The following ZFHX3 variants were observed in gnomAD, a reference collection of about 807,000 sequenced individuals.
The protein encoded by ZFHX3 is zinc finger homeobox 3.
A neutral mutation model predicts 279.1 loss-of-function variants in ZFHX3; 42 were observed. That is an observed-to-expected ratio of 0.15 (90% CI 0.12 to 0.19). ZFHX3 has a LOEUF of 0.19. ZFHX3 is among the 10% of genes least tolerant of loss of function. ZFHX3 has a pLI of 1.00. For synonymous variants in ZFHX3, 2,293 were observed against 1,957.8 expected (o/e 1.17, Z -4.52); for missense variants, 4,981 against 4,754.0 (o/e 1.05, Z -1.40).
chr16:73,319,839 G>A (rs1303129548), intron 3 of ZFHX3, among the ~76,000 whole-genome samples: 3 of 152,206 alleles, frequency 2.0e-5, no homozygotes, highest in African/African-American at 7.2e-5. Flanking sequence ...AGAGAGAGGA[G>A]AGAGACAGAG....
At chr16:73,739,667 G>T (rs75487608) in intron 1 of ZFHX3, among the ~76,000 whole-genome samples, 2 of 152,022 alleles carry the variant, frequency 1.3e-5, no homozygotes, top group Non-Finnish European at 2.9e-5. Flanking sequence ...GACTATCAGG[G>T]ACTCCCAAAA....
chr16:73,299,637 A>C (rs1457874993), intron 4 of ZFHX3, among the ~76,000 whole-genome samples: 1 of 152,238 alleles, frequency 6.6e-6, no homozygotes, highest in African/African-American at 2.4e-5. Context: ...GAGGAAAACC[A>C]AGAACGTGCC....
chr16:73,757,878 G>A (rs962092621), intron 1 of ZFHX3, among the ~76,000 whole-genome samples: 13 of 152,106 alleles, frequency 8.5e-5, no homozygotes, highest in Middle Eastern at 3.2e-3. Flanking sequence ...GTGACTCACT[G>A]GGACAAAAGT....
chr16:73,241,790 C>CAAAAAAAAAAAAAAAAAAAA (rs60214410), intron 5 of ZFHX3, among the ~76,000 whole-genome samples: 3 of 51,288 alleles, frequency 5.8e-5, no homozygotes, highest in South Asian at 1.1e-3. Context: ...AACTCCGTCT[C>CAAAAAAAAAAAAAAAAAAAA]AAAAAAAAAA....
chr16:73,784,814 T>TACACAC (rs1201836033), intron 1 of ZFHX3, among the ~76,000 whole-genome samples: 1 of 108,340 alleles, frequency 9.2e-6, no homozygotes, highest in African/African-American at 2.9e-5. Flanking sequence ...TATATATATA[T>TACACAC]ATACACACAC....
chr16:72,817,610 T>C (rs144253098), intron 5 of ZFHX3, among the ~76,000 whole-genome samples: 2 of 152,340 alleles, frequency 1.3e-5, no homozygotes, highest in East Asian at 3.9e-4. Flanking sequence ...CATCCTACGA[T>C]GCAGACCATT....
At chr16:73,299,458 C>T (rs1254507438) in intron 4 of ZFHX3, among the ~76,000 whole-genome samples, 1 of 152,162 alleles carries the variant, frequency 6.6e-6, no homozygotes, top group African/African-American at 2.4e-5. Context: ...ACTGGGGAAG[C>T]AGGGGTTAAC....
intron 3 of ZFHX3, among the ~76,000 whole-genome samples, chr16:72,905,361 C>T (rs1450706661): frequency 1.3e-5 from 2 of 152,178 alleles, no homozygotes; most frequent in Admixed American, 6.5e-5. Flanking sequence ...CCCCTCCCCA[C>T]CAATCAGCCA....
intron 2 of ZFHX3, among the ~76,000 whole-genome samples, chr16:73,505,129 C>T (rs931814680): frequency 3.9e-5 from 6 of 152,150 alleles, no homozygotes; most frequent in South Asian, 4.1e-4. Context: ...TCTGCTGACC[C>T]TATTGCCATG....
In ZFHX3 at chr16:72,788,375, C is replaced by T. The variant is rs373052102; in HGVS notation, c.9901G>A (p.Ala3301Thr). ...LQAALTSDPT[A>T]LLTSQFLPYF... Reference sequence around the variant, plus strand: ...GGAAGGAACTGGCTTGTGAGCAATGCTGTGGGGTCCGAAGTCAACGCGGCC... The same window carrying T: ...GGAAGGAACTGGCTTGTGAGCAATGTTGTGGGGTCCGAAGTCAACGCGGCC... The change falls in exon 10 of 10, where the codon GCA becomes ACA. Residue 3301 changes from alanine to threonine, a missense_variant. By Grantham distance (58) the Ala-to-Thr change is moderately conservative (BLOSUM62 0). Coordinates refer to ENST00000268489, the MANE Select transcript of ZFHX3 (RefSeq NM_006885.4). 60 of 1,614,040 alleles carry T rather than the reference C, an allele frequency of 3.7e-5. No individual in the cohort carries two copies. The highest frequency in any genetic ancestry group is 5.0e-5 in the Non-Finnish European group (59 of 1,180,036).
At chr16:73,630,669 C>T (rs1037096807) in intron 2 of ZFHX3, among the ~76,000 whole-genome samples, 3 of 151,406 alleles carry the variant, frequency 2.0e-5, no homozygotes, top group Admixed American at 6.6e-5. Context: ...CATAAGAGAA[C>T]AACAGTCAGG....
Position 72,957,611 on chromosome 16 carries a change from G to A in ZFHX3, c.2535C>T (p.Asn845=), listed in dbSNP as rs2144433738. Reference sequence around the variant, plus strand: ...GCAGGCTGCCGAGGCCCAGGTGGCGGTTGTGTTGGATCTGGGTCATGTTCT... The same window carrying A: ...GCAGGCTGCCGAGGCCCAGGTGGCGATTGTGTTGGATCTGGGTCATGTTCT... ...LQQNMTQIQH[N]RHLGLGSLPS... The change falls in exon 2 of 10, where the codon AAC becomes AAT. Residue 845 remains asparagine, a synonymous_variant. Transcript: ENST00000268489. 1.2e-6 allele frequency: 2 copies of A among 1,614,186 alleles called. No individual in the cohort carries two copies. The highest frequency in any genetic ancestry group is 8.5e-7 in the Non-Finnish European group (1 of 1,180,040).
intron 5 of ZFHX3, among the ~76,000 whole-genome samples, chr16:73,216,721 C>T (rs1260852355): frequency 6.6e-6 from 1 of 152,036 alleles, no homozygotes; most frequent in Non-Finnish European, 1.5e-5. Flanking sequence ...TGAGATCGCG[C>T]CACTGCACTC....
At chr16:72,918,427 A>T (rs1332135102) in intron 3 of ZFHX3, among the ~76,000 whole-genome samples, 2 of 152,212 alleles carry the variant, frequency 1.3e-5, no homozygotes, top group Non-Finnish European at 2.9e-5. Context: ...AAAAATAGTG[A>T]CATTCAAAAA....
intron 3 of ZFHX3, among the ~76,000 whole-genome samples, chr16:72,901,157 G>A (rs774119134): frequency 6.6e-5 from 10 of 152,178 alleles, no homozygotes; most frequent in South Asian, 2.1e-4. Flanking sequence ...GTCGCTGGCA[G>A]CGTGGCTCTT....
chr16:73,093,880 A>T lies in ZFHX3; in HGVS notation c.-896-282T>A, dbSNP rs76821766. 4.7e-4 allele frequency: 135 copies of T among 285,954 alleles called. 2 individuals carry two copies. In the East Asian group the frequency reaches 0.011, roughly 23 times the overall value. 17.7% of individuals were successfully genotyped at this position (285,954 alleles called of 1,614,324 possible). On this transcript the variant is annotated intron_variant, in intron 7 of 17. Transcript: ENST00000641206. ...TTAGGGCTTAGAAAAACAAGCTACTAATAGTACTAAGTAGAGCTGGGGCGG... is the reference window on the plus strand; with the variant it reads ...TTAGGGCTTAGAAAAACAAGCTACTTATAGTACTAAGTAGAGCTGGGGCGG...
intron 1 of ZFHX3, among the ~76,000 whole-genome samples, chr16:73,020,935 T>G (rs1437333033): frequency 6.6e-6 from 1 of 152,064 alleles, no homozygotes; most frequent in Non-Finnish European, 1.5e-5. Flanking sequence ...CCCAAAGCCA[T>G]TTAGTCTCTG....
chr16:73,388,287 T>A (rs2016941543), intron 3 of ZFHX3, among the ~76,000 whole-genome samples: 1 of 151,762 alleles, frequency 6.6e-6, no homozygotes, highest in Non-Finnish European at 1.5e-5. Flanking sequence ...AAAGTCAGGG[T>A]GAAGAAAAGG....
intron 1 of ZFHX3, among the ~76,000 whole-genome samples, chr16:73,692,996 C>T (rs954570457): frequency 6.6e-6 from 1 of 152,132 alleles, no homozygotes; most frequent in Non-Finnish European, 1.5e-5. Flanking sequence ...AAAATAGGAT[C>T]GCAGATGAAT....
Sources: allele counts gnomAD v4.1 joint callset (sites outside exome capture counted in the v4.1 genomes callset), GRCh38; gene constraint gnomAD v4.1.1; transcripts MANE v1.5; gene names NCBI Gene and HGNC (gene_info 2026-07-23, HGNC 2026-07-21).